Variants in GRIN1 observed in about 807,000 individuals in gnomAD.
The protein encoded by GRIN1 is glutamate receptor ionotropic, NMDA 1.
In GRIN1, 38 loss-of-function variants were observed where a neutral mutation model predicts 103.0. That is an observed-to-expected ratio of 0.37 (90% CI 0.28 to 0.48). GRIN1 has a LOEUF of 0.48. Among genes scored for constraint, GRIN1 ranks in the 20% least tolerant of loss-of-function variants. The probability of loss-of-function intolerance (pLI) is 0.98; values close to 1 mark genes in which losing one functional copy is unlikely to be tolerated. For synonymous variants in GRIN1, 544 were observed against 532.7 expected, an observed-to-expected ratio of 1.02 and a Z score of -0.29; for missense variants, 577 against 1,288.9, an observed-to-expected ratio of 0.45 and a Z score of 8.46.
At chr9:137,155,387 C>A (rs370369917) in intron 4 of GRIN1, among the ~76,000 whole-genome samples, 61 of 152,362 alleles carry the variant, frequency 4.0e-4, no homozygotes, top group African/African-American at 1.4e-3. Flanking sequence ...CTACTGGGAG[C>A]ACTTCTGTTT....
intron 8 of GRIN1, among the ~76,000 whole-genome samples, chr9:137,160,440 T>A (rs1833468459): frequency 6.6e-6 from 1 of 152,064 alleles, no homozygotes; most frequent in Non-Finnish European, 1.5e-5. Flanking sequence ...TCATGTCTTT[T>A]TTTTTTTGAG....
chr9:137,154,432 CTTTTTTTTTTTTTTT>C lies in GRIN1; in HGVS notation c.672-2212_672-2198del, dbSNP rs543160973. 3.4e-3 allele frequency among the ~76,000 whole-genome samples: 145 copies of C among 43,020 alleles called. 2 individuals carry two copies. The highest frequency in any genetic ancestry group is 0.012 in the African/African-American group (128 of 10,632). The allele number at this position is 43,020 out of a possible 152,430, so 28.2% of individuals were successfully genotyped here. A position where few individuals can be genotyped will look rare whatever the true frequency, so the allele number is the denominator to read the frequency against. On this transcript the variant is annotated intron_variant, in intron 4 of 19. Transcript: ENST00000371561. Reference sequence around the variant, plus strand: ...CAGCCACCACCCCCAGCTCCAACAACTTTTTTTTTTTTTTTTTTTTTTTTTTTTTTTTTTTTTTTA... The same window carrying C: ...CAGCCACCACCCCCAGCTCCAACAACTTTTTTTTTTTTTTTTTTTTTTTTA...
At chr9:137,140,747 C>T (rs530640875) in intron 1 of GRIN1, among the ~76,000 whole-genome samples, 18 of 152,250 alleles carry the variant, frequency 1.2e-4, no homozygotes, top group Non-Finnish European at 1.9e-4. Context: ...CCCTAGCACA[C>T]GCGTGAACAC....
Position 137,151,970 on chromosome 9 carries a change from G to T in GRIN1, c.671+2861G>T, listed in dbSNP as rs1401521439. ...CACCCAGGCTGGAGTGCAGTGGCTC[G>T]ATCTCGGCTCATTGCAAGCTCCACC... On this transcript the variant is annotated intron_variant, in intron 4 of 19. Transcript: ENST00000371561. Among the ~76,000 whole-genome samples, 4 of 130,738 alleles carry T rather than the reference G, an allele frequency of 3.1e-5. No individual in the cohort carries two copies. In the Admixed American group the frequency reaches 3.7e-4, roughly 12 times the overall value. 85.8% of individuals were successfully genotyped at this position (130,738 alleles called of 152,430 possible). A position where few individuals can be genotyped will look rare whatever the true frequency, so the allele number is the denominator to read the frequency against.
rs773782391 is a variant in GRIN1, at chr9:137,161,203, TGCGCGGGGCAGG to T, written c.1339+16_1339+27del. On this transcript the variant is annotated splice_region_variant and intron_variant, in intron 9 of 19. Coordinates refer to ENST00000371561, the MANE Select transcript of GRIN1 (RefSeq NM_007327.4). ...CGACACGTCGCCGGGCAGCCGTGAG[TGCGCGGGGCAGG>T]GCGCGGGGCGCGGGGCAGGGCGCGG... 2 of 1,607,864 alleles carry T rather than the reference TGCGCGGGGCAGG, an allele frequency of 1.2e-6. No individual in the cohort carries two copies. Among genetic ancestry groups the T allele is most frequent in the Admixed American group, 3.4e-5 (2 of 59,492 alleles).
rs1833961672 is a variant in GRIN1 at position 137,167,797 on chromosome 9, G to A, written c.*270G>A. ...AGCAGTACCATCCCACTGATATCAC[G>A]GGCCCGCTCAACCTCTCAGATCCCT... On this transcript the variant is annotated 3_prime_UTR_variant, in exon 20 of 20. Coordinates refer to ENST00000371561, the MANE Select transcript of GRIN1 (RefSeq NM_007327.4). 2 of 1,612,186 alleles carry A rather than the reference G, an allele frequency of 1.2e-6. No individual in the cohort carries two copies. The highest frequency in any genetic ancestry group is 1.7e-6 in the Non-Finnish European group (2 of 1,179,596).
chr9:137,143,173 C>A (rs1832269738), intron 2 of GRIN1, among the ~76,000 whole-genome samples: 2 of 152,248 alleles, frequency 1.3e-5, no homozygotes, highest in African/African-American at 4.8e-5. Flanking sequence ...CTGGGTCCCC[C>A]ACCTTCTCCA....
chr9:137,142,416 C>G (rs1397367191), intron 2 of GRIN1, among the ~76,000 whole-genome samples: 1 of 152,260 alleles, frequency 6.6e-6, no homozygotes, highest in Non-Finnish European at 1.5e-5. Context: ...GCACGTGCCC[C>G]CAGCCCAGAG....
intron 10 of GRIN1, 97 bp downstream of exon 10, chr9:137,161,513 G>C (rs954674391): frequency 1.6e-5 from 19 of 1,172,704 alleles, no homozygotes; most frequent in African/African-American, 4.6e-5. Flanking sequence ...TGCAGATGGT[G>C]GGGGGTCCTG....
Position 137,168,534 on chromosome 9 carries a change from G to T in GRIN1, c.*1007G>T. Reference sequence around the variant, plus strand: ...GTCTTCAACCCTGCCCTGCACCTTGGGCACGGGAGAGCGCCACCCGCCCGC... The same window carrying T: ...GTCTTCAACCCTGCCCTGCACCTTGTGCACGGGAGAGCGCCACCCGCCCGC... On this transcript the variant is annotated 3_prime_UTR_variant, in exon 20 of 20. Coordinates refer to ENST00000371561, the MANE Select transcript of GRIN1 (RefSeq NM_007327.4). 1 of 239,632 alleles carries T rather than the reference G, an allele frequency of 4.2e-6. No individual in the cohort carries two copies. The highest frequency in any genetic ancestry group is 7.9e-6 in the Non-Finnish European group (1 of 125,790). 14.8% of individuals were successfully genotyped at this position (239,632 alleles called of 1,614,324 possible).
At chr9:137,147,268 C>G (rs187118746) in intron 3 of GRIN1, among the ~76,000 whole-genome samples, 1 of 152,014 alleles carries the variant, frequency 6.6e-6, no homozygotes, top group Non-Finnish European at 1.5e-5. Context: ...CACCTGGACA[C>G]GTACTCAGGT....
At chr9:137,159,746 C>T (rs776458901) in intron 8 of GRIN1, among the ~76,000 whole-genome samples, 13 of 152,178 alleles carry the variant, frequency 8.5e-5, no homozygotes, top group Non-Finnish European at 1.9e-4. Context: ...TTTTATAAAG[C>T]AAATCAACTT....
In GRIN1 at chr9:137,139,773, T is replaced by G; in HGVS notation, c.258+29T>G. 1 of 1,420,684 alleles carries G rather than the reference T, an allele frequency of 7.0e-7. No homozygotes were observed. The allele number at this position is 1,420,684 out of a possible 1,614,324, so 88.0% of individuals were successfully genotyped here. On this transcript the variant is annotated intron_variant, in intron 1 of 19. Coordinates refer to ENST00000371561, the MANE Select transcript of GRIN1 (RefSeq NM_007327.4). The surrounding 1 kb of genome is among the most constrained non-coding windows in gnomAD (Gnocchi z 7.7). ...CCCTCCCCCACCTCCGCCACCCACC[T>G]CCCCTCTCCTCCATCCTGCAACCCC...
chr9:137,144,456 C>T (rs537667733), intron 2 of GRIN1, among the ~76,000 whole-genome samples: 1 of 151,914 alleles, frequency 6.6e-6, no homozygotes. Context: ...AGATCGAGAC[C>T]ATCCTGGCTA....
Position 137,146,973 on chromosome 9 carries a change from C to T in GRIN1, c.570+1071C>T, listed in dbSNP as rs1014618209. Among the ~76,000 whole-genome samples the T allele has an allele frequency of 2.5e-4, 38 of 151,754 alleles. No individual in the cohort carries two copies. The East Asian group carries it at 6.6e-3, about 26-fold the overall frequency. On this transcript the variant is annotated intron_variant, in intron 3 of 19. Coordinates refer to ENST00000371561, the MANE Select transcript of GRIN1 (RefSeq NM_007327.4). The surrounding 1 kb of genome is among the most constrained non-coding windows in gnomAD (Gnocchi z 6.7). ...GGGGAGGGGCATGGGCACCAAGGGC[C>T]CCACCCAAGACAGTGCCCCTCACCC...
rs1230411550 is a variant in GRIN1 at position 137,139,592 on chromosome 9, C to A, written c.106C>A (p.Arg36=). The A allele has an allele frequency of 6.2e-7, 1 of 1,613,512 alleles. No individual in the cohort carries two copies. Among genetic ancestry groups the A allele is most frequent in the Admixed American group, 1.7e-5 (1 of 60,028 alleles). Residue 36 remains arginine (R), a synonymous_variant, in exon 1 of 20, where the codon CGG becomes AGG. Transcript: ENST00000371561. This position sits in a 1 kb window ranked among gnomAD's most constrained non-coding sequence, Gnocchi z 7.7. ...IVNIGAVLST[R]KHEQMFREAV... is the part of the protein sequence containing the mutation. The stretch of plus-strand genomic sequence containing the variant: ...CAACATTGGCGCGGTGCTGAGCACG[C>A]GGAAGCACGAGCAGATGTTCCGCGA...
At position 137,154,597 on chromosome 9, in the gene GRIN1, G is replaced by A. The variant is rs529728016; in HGVS notation, c.672-2072G>A. Among the ~76,000 whole-genome samples the A allele has an allele frequency of 1.2e-3, 189 of 151,764 alleles. 3 individuals carry two copies. Among genetic ancestry groups the A allele is most frequent in the African/African-American group, 4.4e-3 (180 of 41,346 alleles). ...GCCTCCCGAGTAGCTGGGATTACAG[G>A]CATGCGCCACCACCCCGGCTAATTT... On this transcript the variant is annotated intron_variant, in intron 4 of 19. Coordinates refer to ENST00000371561, the MANE Select transcript of GRIN1 (RefSeq NM_007327.4).
chr9:137,143,485 G>A lies in GRIN1; in HGVS notation c.393+1338G>A, dbSNP rs1043382847. ...CCAGTTTCCTCACATGTGAAGGAGA[G>A]AAGATGGCCTTACCCAGGAAAGCAG... On this transcript the variant is annotated intron_variant, in intron 2 of 19. Transcript: ENST00000371561. Among the ~76,000 whole-genome samples, 5 of 152,272 alleles carry A rather than the reference G, an allele frequency of 3.3e-5. No individual in the cohort carries two copies. In the South Asian group the frequency reaches 1.0e-3, roughly 31 times the overall value.
At chr9:137,161,511 G>A in intron 10 of GRIN1, 95 bp downstream of exon 10, 1 of 1,225,996 alleles carries the variant, frequency 8.2e-7, no homozygotes, top group Non-Finnish European at 1.2e-6. Context: ...CTTGCAGATG[G>A]TGGGGGGTCC....
Sources: gnomAD v4.1 joint callset for allele counts (sites outside exome capture counted in the v4.1 genomes callset) on GRCh38, gnomAD v4.1.1 for gene constraint, Gnocchi (gnomAD v3.1) non-coding constraint, MANE v1.5 for transcripts, NCBI Gene and HGNC (gene_info 2026-07-23, HGNC 2026-07-21) for gene names.